ANKS3: variants seen among roughly 807,000 people sequenced by gnomAD.
The protein encoded by ANKS3 is ankyrin repeat and sterile alpha motif domain containing 3.
In ANKS3, 62 loss-of-function variants were observed where a neutral mutation model predicts 80.7. The ratio of observed to expected loss-of-function variants is 0.77; its 90% CI spans 0.63 to 0.95. The LOEUF (loss-of-function observed/expected upper bound fraction) is 0.95. Among genes scored for constraint, ANKS3 ranks in the 40% least tolerant of loss-of-function variants. The pLI is 0.00. For synonymous variants in ANKS3, 489 were observed against 355.3 expected (o/e 1.38, Z -4.23); for missense variants, 1,150 against 883.6 (o/e 1.30, Z -3.82).
chr16:4,697,163 G>A (rs1419949697), intron 16 of ANKS3, 59 bp from the exon 17 acceptor site: 13 of 1,590,486 alleles, frequency 8.2e-6, no homozygotes, highest in Non-Finnish European at 9.4e-6. Flanking sequence ...GGGTGGTGCT[G>A]CCCCGGGGTC....
rs1404361141 is a variant in ANKS3 at position 4,698,666 on chromosome 16, C to G, written c.1552-67G>C. On this transcript the variant is annotated intron_variant, in intron 13 of 17. Coordinates refer to ENST00000304283, the MANE Select transcript of ANKS3 (RefSeq NM_133450.4). ...GGTCAAGCCAGACCCTTGGCCACGG[C>G]CCTGTCCTGTGTGTGGGGCCCTCTC... The G allele has an allele frequency of 1.2e-5, 19 of 1,530,136 alleles. No homozygotes were observed. The East Asian group carries it at 3.8e-4, about 31-fold the overall frequency. 94.8% of individuals were successfully genotyped at this position (1,530,136 alleles called of 1,614,324 possible). A position where few individuals can be genotyped will look rare whatever the true frequency, so the allele number is the denominator to read the frequency against.
At chr16:4,696,950 C>T (rs1596334930) in intron 17 of ANKS3, 54 bp from the exon 18 acceptor site, 7 of 1,500,038 alleles carry the variant, frequency 4.7e-6, no homozygotes, top group Non-Finnish European at 6.4e-6. Context: ...TGCATACCCA[C>T]ACCTGCAGCC....
At chr16:4,701,735 T>C in intron 9 of ANKS3, 192 bp from the exon 10 acceptor site, 1 of 543,856 alleles carries the variant, frequency 1.8e-6, no homozygotes, top group Non-Finnish European at 3.2e-6. Context: ...GTCTTTTTTG[T>C]TCACTGATAA....
chr16:4,696,970 G>T, intron 17 of ANKS3, 47 bp downstream of exon 17: 1 of 1,581,466 alleles, frequency 6.3e-7, no homozygotes, highest in South Asian at 1.1e-5. Context: ...CGCCCAGACA[G>T]GCCCTGCTGC....
chr16:4,721,696 T>C (rs1189768597), intron 6 of ANKS3, among the ~76,000 whole-genome samples: 1 of 151,204 alleles, frequency 6.6e-6, no homozygotes, highest in Non-Finnish European at 1.5e-5. Flanking sequence ...TGGAGTGCAG[T>C]GGCAACATCT....
intron 5 of ANKS3, 32 bp from the exon 6 acceptor site, chr16:4,724,863 G>A (rs1404541397): frequency 1.2e-6 from 2 of 1,608,800 alleles, no homozygotes; most frequent in East Asian, 4.5e-5. Flanking sequence ...CAGATGATTG[G>A]AAGAGACAAG....
At chr16:4,717,540 G>C (rs2080864217) in intron 6 of ANKS3, 1 of 152,072 alleles carries the variant, frequency 6.6e-6, no homozygotes, top group South Asian at 2.1e-4. Flanking sequence ...CTGGGCGACA[G>C]AGGGCGACTC....
At position 4,734,123 on chromosome 16, in the gene ANKS3, C is replaced by T; in HGVS notation, c.-256G>A. The T allele has an allele frequency of 1.3e-6, 1 of 765,996 alleles. No homozygotes were observed. Among genetic ancestry groups the T allele is most frequent in the Non-Finnish European group, 1.6e-6 (1 of 629,564 alleles). The allele number at this position is 765,996 out of a possible 1,614,324, so 47.4% of individuals were successfully genotyped here. A position where few individuals can be genotyped will look rare whatever the true frequency, so the allele number is the denominator to read the frequency against. On this transcript the variant is annotated 5_prime_UTR_variant, in exon 1 of 18. Coordinates refer to ENST00000304283, the MANE Select transcript of ANKS3 (RefSeq NM_133450.4). ...GGTCTAGGCGGGCTGCAGGTGCCGG[C>T]AAGTGCTGGGGCCGGGCCGCCGCGG...
intron 7 of ANKS3, among the ~76,000 whole-genome samples, chr16:4,706,434 AC>A (rs1204446520): frequency 2.6e-5 from 4 of 151,844 alleles, no homozygotes; most frequent in Non-Finnish European, 4.4e-5. Context: ...ACGGGGTTTC[AC>A]CATGTTGGCC....
rs114589444 is a variant in ANKS3, at chr16:4,730,426, G to C, written c.-2-275C>G. 2.0e-5 allele frequency among the ~76,000 whole-genome samples: 3 copies of C among 152,104 alleles called. No individual in the cohort carries two copies. The East Asian group carries it at 5.8e-4, about 29-fold the overall frequency. On this transcript the variant is annotated intron_variant, in intron 2 of 17. Transcript: ENST00000304283. ...GGAGTACCTGCTCCTCCTTCCAACC[G>C]CAGGCACCAGGTAAAAGAGAATTCT...
At chr16:4,723,167 T>C (rs1057297249) in intron 6 of ANKS3, among the ~76,000 whole-genome samples, 1 of 152,172 alleles carries the variant, frequency 6.6e-6, no homozygotes, top group African/African-American at 2.4e-5. Context: ...CTTATAAAGA[T>C]ATAATCCACA....
intron 1 of ANKS3, among the ~76,000 whole-genome samples, chr16:4,732,390 T>C (rs2081669362): frequency 6.6e-6 from 1 of 152,140 alleles, no homozygotes; most frequent in Admixed American, 6.5e-5. Flanking sequence ...GTTCTCTATT[T>C]ACTGGAGACT....
At chr16:4,710,610 G>C (rs941542093) in intron 7 of ANKS3, among the ~76,000 whole-genome samples, 1 of 152,092 alleles carries the variant, frequency 6.6e-6, no homozygotes, top group South Asian at 2.1e-4. Context: ...TCGTAGAGCT[G>C]AGGTAGAAGG....
intron 14 of ANKS3, 133 bp from the exon 15 acceptor site, chr16:4,698,195 C>T: frequency 5.1e-6 from 6 of 1,181,710 alleles, no homozygotes; most frequent in Non-Finnish European, 7.1e-6. Context: ...GGGCCAGTGC[C>T]CCATGAGGCT....
At chr16:4,710,014 A>T (rs1394813339) in intron 7 of ANKS3, among the ~76,000 whole-genome samples, 6 of 152,176 alleles carry the variant, frequency 3.9e-5, no homozygotes, top group Non-Finnish European at 8.8e-5. Flanking sequence ...CTGTCTCAAA[A>T]ACCAAACAAA....
intron 2 of ANKS3, 164 bp from the exon 3 acceptor site, chr16:4,730,315 G>A (rs2081553571): frequency 1.7e-6 from 1 of 587,912 alleles, no homozygotes; most frequent in Admixed American, 4.2e-5. Flanking sequence ...AATAATGTAT[G>A]CTTTGGGCAG....
rs1596340200 is a variant in ANKS3, at chr16:4,698,024, T to C, written c.1763A>G (p.Asp588Gly). The C allele has an allele frequency of 6.2e-7, 1 of 1,608,938 alleles. No individual in the cohort carries two copies. Among genetic ancestry groups the C allele is most frequent in the Non-Finnish European group, 8.5e-7 (1 of 1,178,522 alleles). ...CAGAGTGGCTGCACCAGGGGGCTGGTCCTGCCTCACTCGAGATGACAGCTC... is the reference window on the plus strand; with the variant it reads ...CAGAGTGGCTGCACCAGGGGGCTGGCCCTGCCTCACTCGAGATGACAGCTC... The part of the protein sequence containing the change: ...QAELSSRVRQ[D>G]QPPGAATLGL... Residue 588 changes from aspartate to glycine, a missense_variant, in exon 15 of 18, where the codon GAC (aspartate) becomes GGC (glycine). By Grantham distance (94) the Asp-to-Gly change is moderately conservative (BLOSUM62 -1). Coordinates refer to ENST00000304283, the MANE Select transcript of ANKS3 (RefSeq NM_133450.4).
At chr16:4,723,191 C>G (rs2081189324) in intron 6 of ANKS3, among the ~76,000 whole-genome samples, 1 of 152,190 alleles carries the variant, frequency 6.6e-6, no homozygotes, top group Admixed American at 6.5e-5. Context: ...CAACAAGTCA[C>G]CCACTTACAA....
chr16:4,702,933 C>T (rs964307239), intron 8 of ANKS3, among the ~76,000 whole-genome samples: 2 of 152,124 alleles, frequency 1.3e-5, no homozygotes, highest in African/African-American at 4.8e-5. Context: ...AGCTCAGGAA[C>T]TGGAGCCTTC....
Sources: allele counts gnomAD v4.1 joint callset (sites outside exome capture counted in the v4.1 genomes callset), GRCh38; gene constraint gnomAD v4.1.1; transcripts MANE v1.5; gene names NCBI Gene and HGNC (gene_info 2026-07-23, HGNC 2026-07-21).